The following HHIPL1 variants were observed in gnomAD, a reference collection of about 807,000 sequenced individuals.
The protein encoded by HHIPL1 is HHIP-like protein 1.
HHIPL1 carries 43 observed loss-of-function variants against 61.8 expected under a neutral mutation model. That is an observed-to-expected ratio of 0.70 (90% confidence interval 0.55 to 0.90). HHIPL1 has a LOEUF of 0.90. Among genes scored for constraint, HHIPL1 ranks in the 40% least tolerant of loss-of-function variants. The probability of loss-of-function intolerance (pLI) is 0.00; values close to 1 mark genes in which losing one functional copy is unlikely to be tolerated. For synonymous variants in HHIPL1, 482 were observed against 515.8 expected (o/e 0.93, Z 0.89); for missense variants, 1,056 against 1,157.7 (o/e 0.91, Z 1.28).
Position 99,647,299 on chromosome 14 carries a change from C to G in HHIPL1, c.255+1837C>G, listed in dbSNP as rs986534999. ...AGGGCACGGGAATGGTCTGGCCAAGCGTCTGCCTCCCTCACCAGCCTGGGG... is the reference window on the plus strand; with the variant it reads ...AGGGCACGGGAATGGTCTGGCCAAGGGTCTGCCTCCCTCACCAGCCTGGGG... On this transcript the variant is annotated intron_variant, in intron 1 of 8. Transcript: ENST00000330710. 2.5e-4 allele frequency among the ~76,000 whole-genome samples: 38 copies of G among 152,284 alleles called. 1 individual carries two copies. The highest frequency in any genetic ancestry group is 2.5e-3 in the Admixed American group (38 of 15,294).
At chr14:99,674,322 A>G (rs968941482) in intron 8 of HHIPL1, among the ~76,000 whole-genome samples, 1 of 116,644 alleles carries the variant, frequency 8.6e-6, no homozygotes, top group Non-Finnish European at 1.9e-5. Flanking sequence ...ATTGAGGTCT[A>G]TCCCTGTGGC....
chr14:99,652,020 A>G (rs2055938983), intron 1 of HHIPL1, among the ~76,000 whole-genome samples: 1 of 152,170 alleles, frequency 6.6e-6, no homozygotes, highest in Non-Finnish European at 1.5e-5. Context: ...TAGGAGTAGT[A>G]ATAGTGTTCT....
chr14:99,647,706 C>A (rs2055863930), intron 1 of HHIPL1, among the ~76,000 whole-genome samples: 2 of 152,194 alleles, frequency 1.3e-5, no homozygotes, highest in Non-Finnish European at 2.9e-5. Flanking sequence ...CTAGCCAAGG[C>A]AGAGTCTGCA....
the HHIPL1 span, among the ~76,000 whole-genome samples, chr14:99,637,050 G>GAAAGAAAGAAA: frequency 9.1e-5 from 4 of 44,156 alleles, no homozygotes; most frequent in Admixed American, 2.4e-4. Flanking sequence ...AAAGAAAGAA[G>GAAAGAAAGAAA]GAAGGAAGGA....
chr14:99,621,359 A>G, the HHIPL1 span, among the ~76,000 whole-genome samples: 1 of 152,168 alleles, frequency 6.6e-6, no homozygotes, highest in African/African-American at 2.4e-5. Context: ...GCAGGCACAG[A>G]AGGCCGCCCT....
chr14:99,659,706 G>T lies in HHIPL1; in HGVS notation c.1325G>T (p.Arg442Leu). The T allele has an allele frequency of 6.7e-7, 1 of 1,490,022 alleles. No individual in the cohort carries two copies. The highest frequency in any genetic ancestry group is 8.9e-7 in the Non-Finnish European group (1 of 1,125,564). 92.3% of individuals were successfully genotyped at this position (1,490,022 alleles called of 1,614,324 possible). A position where few individuals can be genotyped will look rare whatever the true frequency, so the allele number is the denominator to read the frequency against. ...GGCGGCAACTATGGCTGGCGCGCGC[G>T]CGAAGGGTTCGAGTGCTACGACCGC... Reference protein sequence around the residue: ...ERGGNYGWRAREGFECYDRSL... With the variant: ...ERGGNYGWRALEGFECYDRSL... The change falls in exon 4 of 9, where the codon CGC (arginine) becomes CTC (leucine). Residue 442 changes from arginine (R) to leucine (L), a missense_variant. Arg to Leu is a moderately radical substitution (Grantham distance 102). Transcript: ENST00000330710.
chr14:99,611,293 A>ATTTTTT, the HHIPL1 span, among the ~76,000 whole-genome samples: 3 of 127,354 alleles, frequency 2.4e-5, no homozygotes, highest in South Asian at 7.6e-4. Flanking sequence ...ACCACCTGTA[A>ATTTTTT]TTTTTTTTTT....
the HHIPL1 span, among the ~76,000 whole-genome samples, chr14:99,607,021 CTTTTTTTT>C: frequency 2.9e-5 from 2 of 68,404 alleles, no homozygotes; most frequent in African/African-American, 6.6e-5. Context: ...GTGACTTTGC[CTTTTTTTT>C]TTTTTTTTTT....
chr14:99,609,960 T>A, the HHIPL1 span, among the ~76,000 whole-genome samples: 1 of 152,000 alleles, frequency 6.6e-6, no homozygotes, highest in African/African-American at 2.4e-5. Context: ...TGAGGGGAGA[T>A]CACTGAGACT....
At chr14:99,614,722 C>G in the HHIPL1 span, among the ~76,000 whole-genome samples, 38 of 152,186 alleles carry the variant, frequency 2.5e-4, no homozygotes, top group African/African-American at 8.9e-4. Context: ...CTAACGTTAT[C>G]CAGATTCCCC....
chr14:99,646,830 ATG>A (rs1342520213), intron 1 of HHIPL1, among the ~76,000 whole-genome samples: 1 of 62,960 alleles, frequency 1.6e-5, no homozygotes, highest in Non-Finnish European at 3.4e-5. Context: ...ATGATATGAT[ATG>A]ATATAATATA....
chr14:99,630,268 C>G, the HHIPL1 span, among the ~76,000 whole-genome samples: 1 of 152,220 alleles, frequency 6.6e-6, no homozygotes, highest in Non-Finnish European at 1.5e-5. Flanking sequence ...CCATCGCACA[C>G]CGGGCAGGCG....
At chr14:99,637,030 A>G in the HHIPL1 span, among the ~76,000 whole-genome samples, 28 of 121,848 alleles carry the variant, frequency 2.3e-4, no homozygotes, top group East Asian at 4.6e-3. Context: ...AAAGAAAGAA[A>G]GAAAGAAAGA....
rs187431814 is a variant in HHIPL1, at chr14:99,657,168, G to C, written c.1046+25G>C. 1.2e-3 allele frequency: 1,978 copies of C among 1,610,486 alleles called. 6 individuals carry two copies. Among genetic ancestry groups the C allele is most frequent in the South Asian group, 2.5e-3 (222 of 90,540 alleles). ...AGTATGTTCAGCTTTTGATTGGCTT[G>C]TGGGTTGGTCTCCATATCCCTGGGC... On this transcript the variant is annotated intron_variant, in intron 3 of 8. Transcript: ENST00000330710.
At chr14:99,643,042 T>G (rs2055773210), upstream of HHIPL1, among the ~76,000 whole-genome samples, 2 of 149,402 alleles carry the variant, frequency 1.3e-5, no homozygotes, top group African/African-American at 4.9e-5. Flanking sequence ...TCTGACTGAC[T>G]TTTTTTTTTC....
Position 99,678,881 on chromosome 14 carries a change from C to T in HHIPL1, c.*3255C>T, listed in dbSNP as rs1215007152. Reference sequence around the variant, plus strand: ...CTTTAAAAGAAACCATTATTTCTAACACTTACGATTTATTCTTTAACAAGA... The same window carrying T: ...CTTTAAAAGAAACCATTATTTCTAATACTTACGATTTATTCTTTAACAAGA... On this transcript the variant is annotated 3_prime_UTR_variant, in exon 9 of 9. Coordinates refer to ENST00000330710, the MANE Select transcript of HHIPL1 (RefSeq NM_001127258.3). 6.6e-6 allele frequency: 1 copy of T among 152,218 alleles called. No homozygotes were observed. Among genetic ancestry groups the T allele is most frequent in the Non-Finnish European group, 1.5e-5 (1 of 68,042 alleles). 9.4% of individuals were successfully genotyped at this position (152,218 alleles called of 1,614,324 possible). A position where few individuals can be genotyped will look rare whatever the true frequency, so the allele number is the denominator to read the frequency against.
chr14:99,619,883 G>A, the HHIPL1 span, among the ~76,000 whole-genome samples: 7 of 152,174 alleles, frequency 4.6e-5, no homozygotes, highest in African/African-American at 9.7e-5. Flanking sequence ...CTTGGGGTAA[G>A]TTCCCAGAAG....
the HHIPL1 span, among the ~76,000 whole-genome samples, chr14:99,631,097 T>TTTCTTTC: frequency 6.9e-6 from 1 of 144,378 alleles, no homozygotes; most frequent in Non-Finnish European, 1.6e-5. Flanking sequence ...TCTTTCTTTC[T>TTTCTTTC]TTCTTTCTTT....
In HHIPL1 at chr14:99,668,192, G is replaced by T. The variant is rs775717723; in HGVS notation, c.1649-30G>T. On this transcript the variant is annotated intron_variant, in intron 6 of 8. Transcript: ENST00000330710. This position sits in a 1 kb window ranked among gnomAD's most constrained non-coding sequence, Gnocchi z 4.7. ...GGCTGGGACGGTATTCCAGGTGGGG[G>T]TCTCACTAGTCACTTTGTTCTGTCC... 3.6e-6 allele frequency: 5 copies of T among 1,393,884 alleles called. No individual in the cohort carries two copies. Among genetic ancestry groups the T allele is most frequent in the South Asian group, 1.2e-5 (1 of 86,766 alleles). The allele number at this position is 1,393,884 out of a possible 1,614,324, so 86.3% of individuals were successfully genotyped here. A position where few individuals can be genotyped will look rare whatever the true frequency, so the allele number is the denominator to read the frequency against.
Sources: gnomAD v4.1 joint callset for allele counts (sites outside exome capture counted in the v4.1 genomes callset) on GRCh38, gnomAD v4.1.1 for gene constraint, Gnocchi (gnomAD v3.1) non-coding constraint, MANE v1.5 for transcripts, NCBI Gene and HGNC (gene_info 2026-07-23, HGNC 2026-07-21) for gene names.